The following RYR3 variants were observed in gnomAD, a reference collection of about 807,000 sequenced individuals.
RYR3 encodes the protein brain ryanodine receptor-calcium release channel.
In RYR3, 207 loss-of-function variants were observed where a neutral mutation model predicts 584.3. The ratio of observed to expected loss-of-function variants is 0.35; its 90% CI spans 0.32 to 0.40. The LOEUF is 0.40. RYR3 is among the 10% of genes least tolerant of loss of function. RYR3 has a pLI of 1.00. For missense variants in RYR3, 5,616 were observed against 6,089.2 expected (o/e 0.92, Z 2.59); for synonymous variants, 2,416 against 2,248.5 (o/e 1.07, Z -2.11).
At chr15:33,819,715 TA>T (rs1329114587) in intron 76 of RYR3, 40 bp from the exon 77 acceptor site, 1 of 1,137,922 alleles carries the variant, frequency 8.8e-7, no homozygotes, top group Non-Finnish European at 1.2e-6. Flanking sequence ...AATAAATAAA[TA>T]AATAAAAAGC....
intron 1 of RYR3, among the ~76,000 whole-genome samples, chr15:33,464,939 A>G (rs1353636302): frequency 6.6e-6 from 1 of 152,084 alleles, no homozygotes; most frequent in Admixed American, 6.6e-5. Context: ...CTCTGCATCT[A>G]TGAATTTGAC....
chr15:33,838,000 A>G lies in RYR3; in HGVS notation c.12020A>G (p.Asn4007Ser). The change falls in exon 89 of 104, where the codon AAC (asparagine) becomes AGC (serine). Residue 4007 changes from asparagine to serine, a missense_variant. Physicochemically the swap from Asn to Ser is conservative, Grantham distance 46 (BLOSUM62 1). Transcript: ENST00000634891. ...LLTNLSEHMP[N>S]DSRLKCLLDP... ...ACAAATCTTTCTGAACACATGCCAAACGATTCCCGCCTGAAGTGTCTGTTG... is the reference window on the plus strand; with the variant it reads ...ACAAATCTTTCTGAACACATGCCAAGCGATTCCCGCCTGAAGTGTCTGTTG... The G allele has an allele frequency of 1.2e-6, 2 of 1,614,014 alleles. No homozygotes were observed. The highest frequency in any genetic ancestry group is 2.2e-5 in the South Asian group (2 of 91,074).
intron 16 of RYR3, among the ~76,000 whole-genome samples, chr15:33,586,932 G>A (rs1469691254): frequency 6.6e-6 from 1 of 152,110 alleles, no homozygotes; most frequent in South Asian, 2.1e-4. Flanking sequence ...AGAGCAGATG[G>A]CATGATGGGA....
intron 1 of RYR3, among the ~76,000 whole-genome samples, chr15:33,352,003 A>G (rs960050862): frequency 6.6e-6 from 1 of 152,216 alleles, no homozygotes; most frequent in Non-Finnish European, 1.5e-5. Context: ...GTATATCTAG[A>G]AAACCCCATT....
intron 45 of RYR3, among the ~76,000 whole-genome samples, chr15:33,724,708 C>T (rs2068215528): frequency 6.6e-6 from 1 of 152,072 alleles, no homozygotes; most frequent in South Asian, 2.1e-4. Flanking sequence ...TCTTTTTTCA[C>T]CTCTACTGAG....
chr15:33,681,660 C>G (rs1457632428), intron 38 of RYR3, among the ~76,000 whole-genome samples: 5 of 152,190 alleles, frequency 3.3e-5, no homozygotes, highest in Non-Finnish European at 5.9e-5. Context: ...TTTTCAATCA[C>G]TTAGAATTTA....
At chr15:33,860,543 C>T in intron 100 of RYR3, 52 bp from the exon 101 acceptor site, 1 of 1,080,694 alleles carries the variant, frequency 9.3e-7, no homozygotes, top group Non-Finnish European at 1.3e-6. Flanking sequence ...TATCATTCCT[C>T]TACCCCTGAA....
rs1458947962 is a variant in RYR3 at position 33,696,593 on chromosome 15, C to A, written c.6134+102C>A. The stretch of plus-strand genomic sequence containing the variant: ...ATAGTGGAATCAAATCATATTAAAT[C>A]TTTGTGTGAACTGATTCCAATTTCA... On this transcript the variant is annotated intron_variant, in intron 39 of 103. Coordinates refer to ENST00000634891, the MANE Select transcript of RYR3 (RefSeq NM_001036.6). 3.2e-6 allele frequency: 4 copies of A among 1,269,690 alleles called. No homozygotes were observed. In the African/African-American group the frequency reaches 4.5e-5, roughly 14 times the overall value. 78.7% of individuals were successfully genotyped at this position (1,269,690 alleles called of 1,614,324 possible).
At position 33,537,301 on chromosome 15, in the gene RYR3, C is replaced by T. The variant is rs534519153; in HGVS notation, c.434-2049C>T. Among the ~76,000 whole-genome samples the T allele has an allele frequency of 9.8e-5, 15 of 152,304 alleles. No individual in the cohort carries two copies. In the East Asian group the frequency reaches 2.5e-3, roughly 25 times the overall value. ...ACATCAGCCATCATCTAGGGAATTT[C>T]TGTTGCCTTGCCCTAGATTCCATGT... On this transcript the variant is annotated intron_variant, in intron 5 of 103. Transcript: ENST00000634891.
intron 94 of RYR3, chr15:33,851,878 A>C (rs1270730158): frequency 2.0e-5 from 3 of 152,210 alleles, no homozygotes; most frequent in African/African-American, 7.2e-5. Context: ...ACAAGGAAGA[A>C]AGTCAAAATA....
At chr15:33,504,122 C>T (rs550302322) in intron 3 of RYR3, among the ~76,000 whole-genome samples, 6 of 152,298 alleles carry the variant, frequency 3.9e-5, no homozygotes, top group South Asian at 2.1e-4. Context: ...TAGGACTGCT[C>T]CAATGGAGCA....
chr15:33,820,743 C>T lies in RYR3; in HGVS notation c.10759-13C>T. On this transcript the variant is annotated splice_polypyrimidine_tract_variant and intron_variant, in intron 77 of 103. Transcript: ENST00000634891. ...TTGTCTGTCTTCTCCCTTCCCTGCT[C>T]CATGAAATCCAGAGTTGTCAAAGTG... is the stretch of plus-strand genomic sequence containing the variant. 2.5e-6 allele frequency: 4 copies of T among 1,602,014 alleles called. No individual in the cohort carries two copies. The South Asian group carries it at 4.5e-5, about 18-fold the overall frequency.
chr15:33,865,296 TTCTGCAACATA>T lies in RYR3; in HGVS notation c.*75_*85del. On this transcript the variant is annotated 3_prime_UTR_variant, in exon 104 of 104. Coordinates refer to ENST00000634891, the MANE Select transcript of RYR3 (RefSeq NM_001036.6). ...ATGAAATAAAGTCCCCTTTTTACAGTTCTGCAACATATCTGAAATGTGACATTTTCTAAATG... is the reference window on the plus strand; with the variant it reads ...ATGAAATAAAGTCCCCTTTTTACAGTTCTGAAATGTGACATTTTCTAAATG... 1 of 1,022,438 alleles carries T rather than the reference TTCTGCAACATA, an allele frequency of 9.8e-7. No homozygotes were observed. Among genetic ancestry groups the T allele is most frequent in the African/African-American group, 1.6e-5 (1 of 62,298 alleles). The allele number at this position is 1,022,438 out of a possible 1,614,324, so 63.3% of individuals were successfully genotyped here.
chr15:33,615,690 T>TTTCAGCACTATCAA (rs1267434125), intron 19 of RYR3, among the ~76,000 whole-genome samples: 3 of 152,204 alleles, frequency 2.0e-5, no homozygotes, highest in African/African-American at 4.8e-5. Flanking sequence ...AAAGTTCTTC[T>TTTCAGCACTATCAA]GTGCTGAGGA....
intron 1 of RYR3, among the ~76,000 whole-genome samples, chr15:33,343,298 A>G (rs895427496): frequency 3.3e-5 from 5 of 152,146 alleles, no homozygotes; most frequent in Non-Finnish European, 7.3e-5. Flanking sequence ...GCGGCCCTTC[A>G]TTGTCAAATG....
rs1287779687 is a variant in RYR3 at position 33,706,408 on chromosome 15, T to A, written c.6484-511T>A. Among the ~76,000 whole-genome samples the A allele has an allele frequency of 3.9e-5, 6 of 152,298 alleles. No individual in the cohort carries two copies. The South Asian group carries it at 1.2e-3, about 32-fold the overall frequency. ...CCATTCTTCCCTCCCCTCCCCCAAGTCCCTGGCAACCACCATTCTACTTTC... is the reference window on the plus strand; with the variant it reads ...CCATTCTTCCCTCCCCTCCCCCAAGACCCTGGCAACCACCATTCTACTTTC... On this transcript the variant is annotated intron_variant, in intron 42 of 103. Transcript: ENST00000634891.
At chr15:33,842,080 C>G in intron 91 of RYR3, 45 bp downstream of exon 91, 1 of 1,562,612 alleles carries the variant, frequency 6.4e-7, no homozygotes, top group Non-Finnish European at 8.7e-7. Flanking sequence ...AGGGATTGGC[C>G]CAGGCAGATG....
chr15:33,789,562 T>C (rs1373469919), intron 67 of RYR3, among the ~76,000 whole-genome samples: 2 of 135,374 alleles, frequency 1.5e-5, no homozygotes, highest in African/African-American at 5.5e-5. Context: ...CACAACATCG[T>C]GAATGTACTA....
chr15:33,646,792 C>T (rs548417697), intron 29 of RYR3, among the ~76,000 whole-genome samples: 1 of 152,310 alleles, frequency 6.6e-6, no homozygotes, highest in South Asian at 2.1e-4. Context: ...ACTCTGAGCC[C>T]CTACCTTCCT....
Sources: gnomAD v4.1 joint callset for allele counts (sites outside exome capture counted in the v4.1 genomes callset) on GRCh38, gnomAD v4.1.1 for gene constraint, MANE v1.5 for transcripts, NCBI Gene and HGNC (gene_info 2026-07-23, HGNC 2026-07-21) for gene names.